TNR: variants seen among roughly 807,000 people sequenced by gnomAD.
The protein encoded by TNR is tenascin-R.
TNR carries 45 observed loss-of-function variants against 150.4 expected under a neutral mutation model. The observed-to-expected ratio is 0.30, with a 90% CI of 0.24 to 0.38. The LOEUF (loss-of-function observed/expected upper bound fraction) is 0.38, where lower values mean the gene tolerates loss of function less well. Ranked by LOEUF, TNR falls within the 10% of genes least tolerant of loss-of-function variation. The pLI, the probability that TNR is intolerant of heterozygous loss-of-function variation, is 1.00. For missense variants in TNR, 1,544 were observed against 1,759.1 expected, an observed-to-expected ratio of 0.88 and a Z score of 2.19; for synonymous variants, 687 against 678.4, an observed-to-expected ratio of 1.01 and a Z score of -0.20.
At chr1:175,514,825 G>A (rs1268814876) in intron 2 of TNR, among the ~76,000 whole-genome samples, 2 of 152,222 alleles carry the variant, frequency 1.3e-5, no homozygotes, top group Non-Finnish European at 2.9e-5. Context: ...ACCAAATGCA[G>A]TGTGCAGAGC....
intron 2 of TNR, among the ~76,000 whole-genome samples, chr1:175,491,816 A>AT (rs1235145759): frequency 2.0e-5 from 3 of 151,642 alleles, no homozygotes; most frequent in Non-Finnish European, 4.4e-5. Context: ...CACCCGGCTA[A>AT]TTTTTTGTAT....
intron 1 of TNR, among the ~76,000 whole-genome samples, chr1:175,725,050 C>T (rs147612225): frequency 2.6e-5 from 4 of 152,210 alleles, no homozygotes; most frequent in Non-Finnish European, 5.9e-5. Flanking sequence ...TGCCTGTGTC[C>T]TAAGATCAAT....
At chr1:175,727,448 G>T (rs1667510760) in intron 1 of TNR, among the ~76,000 whole-genome samples, 2 of 152,164 alleles carry the variant, frequency 1.3e-5, no homozygotes, top group South Asian at 4.1e-4. Flanking sequence ...GGAGAAGAGA[G>T]ACTGGAAGTG....
At chr1:175,532,522 A>G (rs1290544549) in intron 1 of TNR, among the ~76,000 whole-genome samples, 1 of 152,244 alleles carries the variant, frequency 6.6e-6, no homozygotes, top group Non-Finnish European at 1.5e-5. Flanking sequence ...AGGCTTTGCA[A>G]TTCAGCAGAG....
Position 175,438,526 on chromosome 1 carries a change from C to T in TNR, c.-63-31749G>A, listed in dbSNP as rs536923530. ...TCAACATAGTGTTGGAAGTTCTGGC[C>T]AGGGCAATCAGGCAGGAGAAGGAAA... On this transcript the variant is annotated intron_variant, in intron 2 of 22. Coordinates refer to ENST00000367674, the MANE Select transcript of TNR (RefSeq NM_003285.3). Among the ~76,000 whole-genome samples, 530 of 152,170 alleles carry T rather than the reference C, an allele frequency of 3.5e-3. 5 individuals carry two copies. The highest frequency in any genetic ancestry group is 0.012 in the African/African-American group (510 of 41,488).
chr1:175,729,226 C>T (rs1363549730), intron 1 of TNR, among the ~76,000 whole-genome samples: 1 of 151,996 alleles, frequency 6.6e-6, no homozygotes, highest in East Asian at 1.9e-4. Flanking sequence ...TATAAATGCC[C>T]CCATTTGAAT....
intron 8 of TNR, among the ~76,000 whole-genome samples, chr1:175,383,393 G>C (rs1006935495): frequency 1.3e-5 from 2 of 152,322 alleles, no homozygotes; most frequent in Non-Finnish European, 1.5e-5. Flanking sequence ...AACATTGAGG[G>C]ATCTGCTTAA....
intron 1 of TNR, among the ~76,000 whole-genome samples, chr1:175,643,346 G>A (rs1664720621): frequency 6.6e-6 from 1 of 152,178 alleles, no homozygotes; most frequent in Non-Finnish European, 1.5e-5. Context: ...AAGGAATCAG[G>A]AGTTTTTGGC....
chr1:175,579,189 C>CTTCCTTCCTTCCTTCCTTCA (rs1281800926), intron 1 of TNR, among the ~76,000 whole-genome samples: 37 of 151,054 alleles, frequency 2.4e-4, no homozygotes, highest in African/African-American at 8.5e-4. Flanking sequence ...TCCTTCCTTC[C>CTTCCTTCCTTCCTTCCTTCA]TTCCTTCCTT....
chr1:175,519,470 T>C (rs1392313152), intron 2 of TNR, among the ~76,000 whole-genome samples: 2 of 152,224 alleles, frequency 1.3e-5, no homozygotes, highest in African/African-American at 4.8e-5. Flanking sequence ...TTCCTTTATC[T>C]TTACACTTGC....
intron 9 of TNR, 149 bp downstream of exon 9, chr1:175,379,403 T>C (rs192470113): frequency 2.2e-4 from 130 of 589,456 alleles, no homozygotes; most frequent in African/African-American, 2.1e-3. Flanking sequence ...GGCAGTACAA[T>C]GGATAGTACT....
chr1:175,660,312 A>G (rs191067052), intron 1 of TNR, among the ~76,000 whole-genome samples: 2 of 152,324 alleles, frequency 1.3e-5, no homozygotes, highest in African/African-American at 2.4e-5. Flanking sequence ...TTCAGTTCCT[A>G]CAATGCCCCA....
At chr1:175,724,435 G>A (rs920781559) in intron 1 of TNR, among the ~76,000 whole-genome samples, 4 of 152,126 alleles carry the variant, frequency 2.6e-5, no homozygotes, top group African/African-American at 9.7e-5. Context: ...AAGGGGGATG[G>A]TGCTAAAACA....
chr1:175,326,291 A>T (rs185279884), intron 21 of TNR, among the ~76,000 whole-genome samples: 1 of 152,198 alleles, frequency 6.6e-6, no homozygotes, highest in Non-Finnish European at 1.5e-5. Flanking sequence ...AAGGGGGCTC[A>T]TGCTACTTAT....
intron 1 of TNR, among the ~76,000 whole-genome samples, chr1:175,577,000 T>C (rs1445939469): frequency 1.3e-5 from 2 of 152,166 alleles, no homozygotes; most frequent in Non-Finnish European, 2.9e-5. Flanking sequence ...AGAAGGGCCA[T>C]CCATTCTTTT....
chr1:175,595,053 G>A (rs1662955018), intron 1 of TNR, among the ~76,000 whole-genome samples: 1 of 151,786 alleles, frequency 6.6e-6, no homozygotes, highest in Non-Finnish European at 1.5e-5. Flanking sequence ...TATAGTCCCA[G>A]CTACTCAGGA....
chr1:175,422,106 G>A (rs1471797905), intron 2 of TNR, among the ~76,000 whole-genome samples: 1 of 152,200 alleles, frequency 6.6e-6, no homozygotes, highest in Non-Finnish European at 1.5e-5. Flanking sequence ...GAGGGCACCA[G>A]GATTCAAAGT....
chr1:175,500,865 G>A (rs944031385), intron 2 of TNR, among the ~76,000 whole-genome samples: 4 of 152,124 alleles, frequency 2.6e-5, no homozygotes, highest in Admixed American at 6.5e-5. Context: ...AGGTGATCTC[G>A]GCAAAGAAAT....
chr1:175,403,792 G>A (rs1043875600), intron 3 of TNR, among the ~76,000 whole-genome samples, 176 bp from the exon 4 acceptor site: 5 of 152,196 alleles, frequency 3.3e-5, no homozygotes, highest in African/African-American at 9.7e-5. Flanking sequence ...ACCTAGCATG[G>A]GCTGTCTGTG....
Sources: gnomAD v4.1 joint callset for allele counts (sites outside exome capture counted in the v4.1 genomes callset) on GRCh38, gnomAD v4.1.1 for gene constraint, MANE v1.5 for transcripts, NCBI Gene and HGNC (gene_info 2026-07-23, HGNC 2026-07-21) for gene names.